The following LRRC4C variants were observed in gnomAD, a reference collection of about 807,000 sequenced individuals.
LRRC4C encodes the protein leucine rich repeat containing 4C, also known as leucine-rich repeat-containing protein 4C.
LRRC4C carries 5 observed loss-of-function variants against 33.6 expected under a neutral mutation model. The ratio of observed to expected loss-of-function variants is 0.15; its 90% confidence interval spans 0.08 to 0.31. The LOEUF is 0.31. Ranked by LOEUF, LRRC4C falls within the 10% of genes least tolerant of loss-of-function variation. LRRC4C has a pLI of 1.00. For missense variants in LRRC4C, 560 were observed against 796.7 expected (o/e 0.70, Z 3.58); for synonymous variants, 329 against 302.0 (o/e 1.09, Z -0.93).
At chr11:40,601,067 A>G (rs562884728) in intron 3 of LRRC4C, among the ~76,000 whole-genome samples, 1 of 152,204 alleles carries the variant, frequency 6.6e-6, no homozygotes. Flanking sequence ...ATGCAACACT[A>G]TCTGACTCAT....
At chr11:40,163,465 A>T (rs1356627759) in intron 5 of LRRC4C, among the ~76,000 whole-genome samples, 3 of 152,218 alleles carry the variant, frequency 2.0e-5, no homozygotes, top group Non-Finnish European at 4.4e-5. Flanking sequence ...TTTGCTGGCA[A>T]GGTATCAAGT....
At chr11:40,254,227 A>G (rs1016590622) in intron 4 of LRRC4C, among the ~76,000 whole-genome samples, 2 of 152,256 alleles carry the variant, frequency 1.3e-5, no homozygotes, top group Non-Finnish European at 2.9e-5. Context: ...TCCTAACTGA[A>G]TAATTAACAG....
intron 2 of LRRC4C, among the ~76,000 whole-genome samples, chr11:40,691,386 G>T (rs1339175073): frequency 6.6e-6 from 1 of 151,908 alleles, no homozygotes; most frequent in Non-Finnish European, 1.5e-5. Flanking sequence ...TTCATCACAA[G>T]AACTTTAACA....
Position 41,377,113 on chromosome 11 carries a change from T to C in LRRC4C, c.-496+82318A>G, listed in dbSNP as rs539386240. The stretch of plus-strand genomic sequence containing the variant: ...GGGAATCAAGTTTGTGCAGAGTTCA[T>C]TGAATTATGTGCTATGACTGTGTCA... On this transcript the variant is annotated intron_variant, in intron 1 of 6. Coordinates refer to ENST00000528697, the MANE Select transcript of LRRC4C (RefSeq NM_001258419.2). Among the ~76,000 whole-genome samples, 5 of 152,334 alleles carry C rather than the reference T, an allele frequency of 3.3e-5. No individual in the cohort carries two copies. The South Asian group carries it at 8.3e-4, about 25-fold the overall frequency.
At chr11:41,210,523 C>G (rs532929159) in intron 1 of LRRC4C, among the ~76,000 whole-genome samples, 1 of 152,022 alleles carries the variant, frequency 6.6e-6, no homozygotes, top group Non-Finnish European at 1.5e-5. Context: ...TATAAATTAC[C>G]CAGTCTTGGG....
At chr11:40,913,262 C>T (rs1438464381) in intron 2 of LRRC4C, among the ~76,000 whole-genome samples, 3 of 152,116 alleles carry the variant, frequency 2.0e-5, no homozygotes, top group Non-Finnish European at 4.4e-5. Context: ...CAGCACCACA[C>T]CACACCTATT....
At chr11:41,203,156 T>G (rs1442312178) in intron 1 of LRRC4C, among the ~76,000 whole-genome samples, 1 of 152,158 alleles carries the variant, frequency 6.6e-6, no homozygotes, top group Non-Finnish European at 1.5e-5. Context: ...TCAGTCCACA[T>G]TTACTGTTTT....
At chr11:41,196,683 A>G (rs1946191774) in intron 1 of LRRC4C, among the ~76,000 whole-genome samples, 1 of 152,062 alleles carries the variant, frequency 6.6e-6, no homozygotes, top group Non-Finnish European at 1.5e-5. Flanking sequence ...ATAGATGAAT[A>G]GATGGATGGA....
intron 1 of LRRC4C, among the ~76,000 whole-genome samples, chr11:41,328,743 G>T (rs1951201929): frequency 6.6e-6 from 1 of 152,160 alleles, no homozygotes; most frequent in Non-Finnish European, 1.5e-5. Context: ...TAAAGGACAT[G>T]TCTCTCTCAG....
intron 1 of LRRC4C, among the ~76,000 whole-genome samples, chr11:41,361,725 A>G (rs1422156753): frequency 1.3e-5 from 2 of 152,224 alleles, no homozygotes; most frequent in Admixed American, 6.5e-5. Flanking sequence ...AGCTAAAGTT[A>G]CTGACTAAAC....
intron 3 of LRRC4C, among the ~76,000 whole-genome samples, chr11:40,557,134 G>C (rs1267567879): frequency 2.0e-5 from 3 of 151,858 alleles, no homozygotes; most frequent in Non-Finnish European, 4.4e-5. Flanking sequence ...GTTATTTTTG[G>C]TACCAATTCC....
chr11:40,285,244 A>G (rs1421718350), intron 4 of LRRC4C, among the ~76,000 whole-genome samples: 1 of 152,204 alleles, frequency 6.6e-6, no homozygotes, highest in Non-Finnish European at 1.5e-5. Context: ...GAAGTGACTC[A>G]AAGGGGGAAG....
intron 1 of LRRC4C, among the ~76,000 whole-genome samples, chr11:41,190,066 A>T (rs1277156748): frequency 6.6e-6 from 1 of 152,204 alleles, no homozygotes; most frequent in African/African-American, 2.4e-5. Context: ...ATGCATGAAC[A>T]TGTGTTATGT....
At chr11:40,903,417 T>C (rs1262738511) in intron 2 of LRRC4C, among the ~76,000 whole-genome samples, 1 of 152,224 alleles carries the variant, frequency 6.6e-6, no homozygotes, top group Non-Finnish European at 1.5e-5. Context: ...TAACACATCA[T>C]CCATTCTGCA....
chr11:40,364,329 A>G (rs190878798), intron 3 of LRRC4C, among the ~76,000 whole-genome samples: 3 of 152,198 alleles, frequency 2.0e-5, no homozygotes, highest in Admixed American at 2.0e-4. Flanking sequence ...TTATAAATAT[A>G]CTCCTTATCT....
rs185864110 is a variant in LRRC4C at position 40,710,858 on chromosome 11, G to A, written c.-406-62580C>T. Among the ~76,000 whole-genome samples, 298 of 152,338 alleles carry A rather than the reference G, an allele frequency of 2.0e-3. 2 individuals carry two copies. The highest frequency in any genetic ancestry group is 6.9e-3 in the African/African-American group (286 of 41,588). On this transcript the variant is annotated intron_variant, in intron 2 of 6. Transcript: ENST00000528697. ...GTTGAGCTGAGGTGGGCTCCACCCA[G>A]TTCGAGCTTCCCAGCTGCTTTGTTT...
At chr11:40,871,867 A>G (rs1184388206) in intron 2 of LRRC4C, among the ~76,000 whole-genome samples, 1 of 152,124 alleles carries the variant, frequency 6.6e-6, no homozygotes, top group Non-Finnish European at 1.5e-5. Context: ...CTTCCTTGCC[A>G]TGGATCTGTA....
chr11:41,261,143 C>T (rs749384238), intron 1 of LRRC4C, among the ~76,000 whole-genome samples: 3 of 152,026 alleles, frequency 2.0e-5, no homozygotes, highest in Non-Finnish European at 4.4e-5. Context: ...GTCCTAGGGG[C>T]TTGACAGAGT....
intron 3 of LRRC4C, among the ~76,000 whole-genome samples, chr11:40,424,009 T>C (rs1950623046): frequency 1.3e-5 from 2 of 152,210 alleles, no homozygotes; most frequent in African/African-American, 4.8e-5. Context: ...TATACATATA[T>C]ACCAATTGTT....
Sources: gnomAD v4.1 joint callset for allele counts (sites outside exome capture counted in the v4.1 genomes callset) on GRCh38, gnomAD v4.1.1 for gene constraint, MANE v1.5 for transcripts, NCBI Gene and HGNC (gene_info 2026-07-23, HGNC 2026-07-21) for gene names.